Variants in RYR2 observed in about 807,000 individuals in gnomAD.
RYR2 encodes ryanodine receptor 2.
A neutral mutation model predicts 601.1 loss-of-function variants in RYR2; 227 were observed. The ratio of observed to expected loss-of-function variants is 0.38; its 90% CI spans 0.34 to 0.42. The LOEUF (loss-of-function observed/expected upper bound fraction) is 0.42, where lower values mean the gene tolerates loss of function less well. RYR2 is among the 10% of genes least tolerant of loss of function. The probability of loss-of-function intolerance (pLI) is 1.00; values close to 1 mark genes in which losing one functional copy is unlikely to be tolerated. For missense variants in RYR2, 4,646 were observed against 6,156.5 expected, an observed-to-expected ratio of 0.75 and a Z score of 8.21; for synonymous variants, 2,223 against 2,175.1, an observed-to-expected ratio of 1.02 and a Z score of -0.61.
rs1167195170 is a variant in RYR2, at chr1:237,788,193, G to C, written c.13476+58G>C. ...TATAGTGCAATACCGTAATAATTTA[G>C]GCTCAGTAAATGTTTGCTGACCTCT... On this transcript the variant is annotated intron_variant, in intron 92 of 104. Transcript: ENST00000366574. 30 of 1,409,882 alleles carry C rather than the reference G, an allele frequency of 2.1e-5. No homozygotes were observed. In the African/African-American group the frequency reaches 4.0e-4, roughly 19 times the overall value. The allele number at this position is 1,409,882 out of a possible 1,614,324, so 87.3% of individuals were successfully genotyped here.
rs542110710 is a variant in RYR2, at chr1:237,540,478, G to A, written c.2907-7953G>A. Among the ~76,000 whole-genome samples, 9 of 151,994 alleles carry A rather than the reference G, an allele frequency of 5.9e-5. No homozygotes were observed. The South Asian group carries it at 1.7e-3, about 28-fold the overall frequency. ...ATCCCAACAGTTGGGAGGCCGAGGC[G>A]GTCAGATCACCTGAGGTCAGGGGTT... On this transcript the variant is annotated intron_variant, in intron 25 of 104. Transcript: ENST00000366574.
chr1:237,540,094 A>G lies in RYR2; in HGVS notation c.2907-8337A>G, dbSNP rs1669090021. 2.0e-5 allele frequency among the ~76,000 whole-genome samples: 3 copies of G among 152,114 alleles called. No homozygotes were observed. The South Asian group carries it at 6.2e-4, about 31-fold the overall frequency. ...TGAAGAGCACAACACATTATCATCT[A>G]TTCTTAATTTCACGCATCTTCCCTC... is the stretch of plus-strand genomic sequence containing the variant. On this transcript the variant is annotated intron_variant, in intron 25 of 104. Coordinates refer to ENST00000366574, the MANE Select transcript of RYR2 (RefSeq NM_001035.3).
chr1:237,492,679 A>G (rs186891268), intron 18 of RYR2, among the ~76,000 whole-genome samples: 1 of 152,134 alleles, frequency 6.6e-6, no homozygotes, highest in African/African-American at 2.4e-5. Context: ...TGTCTTTACA[A>G]AAAAAGAAAA....
At chr1:237,445,357 A>G (rs1374437908) in intron 13 of RYR2, 44 bp from the exon 14 acceptor site, 1 of 1,609,042 alleles carries the variant, frequency 6.2e-7, no homozygotes, top group Non-Finnish European at 8.5e-7. Flanking sequence ...CTAGTTTGGA[A>G]AAGAGACGTT....
intron 17 of RYR2, 71 bp downstream of exon 17, chr1:237,469,258 CAAAAAAA>C (rs66912945): frequency 4.4e-4 from 49 of 112,250 alleles, no homozygotes; most frequent in Middle Eastern, 4.0e-3. Context: ...TCCTTTAAGA[CAAAAAAA>C]AAAAAAAAAA....
rs531006137 is a variant in RYR2 at position 237,546,301 on chromosome 1, TCAAAA to T, written c.2907-2122_2907-2118del. ...ATTTGTCCTAATTGTTATAATCTAC[TCAAAA>T]CAAAACATTGGTAAAGCTTTTGTCT... On this transcript the variant is annotated intron_variant, in intron 25 of 104. Coordinates refer to ENST00000366574, the MANE Select transcript of RYR2 (RefSeq NM_001035.3). Among the ~76,000 whole-genome samples the T allele has an allele frequency of 1.9e-3, 291 of 152,352 alleles. 1 individual carries two copies. The highest frequency in any genetic ancestry group is 6.7e-3 in the African/African-American group (279 of 41,590).
chr1:237,756,237 C>A, intron 80 of RYR2, 51 bp from the exon 81 acceptor site: 3 of 1,219,550 alleles, frequency 2.5e-6, no homozygotes, highest in Non-Finnish European at 3.6e-6. Flanking sequence ...CTGTAGAAAT[C>A]TGTTGTGCTT....
intron 63 of RYR2, among the ~76,000 whole-genome samples, chr1:237,691,412 T>C (rs1686934133): frequency 6.6e-6 from 1 of 152,170 alleles, no homozygotes; most frequent in East Asian, 1.9e-4. Context: ...TGATGGGTAA[T>C]GGAATATTTA....
Position 237,503,434 on chromosome 1 carries a change from C to T in RYR2, c.2542C>T (p.Arg848Cys), listed in dbSNP as rs765102386. 2.1e-5 allele frequency: 34 copies of T among 1,613,846 alleles called. No homozygotes were observed. Among genetic ancestry groups the T allele is most frequent in the Non-Finnish European group, 2.7e-5 (32 of 1,179,896 alleles). Residue 848 changes from arginine to cysteine, a missense_variant, in exon 22 of 105, where the codon CGC becomes TGC. By Grantham distance (180) the Arg-to-Cys change is radical. This residue lies in a region of RYR2 where 1,807 missense variants were observed against 2,088.1 expected (regional missense o/e 0.87). Transcript: ENST00000366574. ...GTACAAGCAAGAAAGAACTTACACA[C>T]GCGACCTGCTGGGCCCCACAGTTTC... ...REYKQERTYT[R>C]DLLGPTVSLT... is the part of the protein sequence containing the mutation.
intron 74 of RYR2, among the ~76,000 whole-genome samples, chr1:237,724,820 T>G (rs545011961): frequency 6.6e-6 from 1 of 152,266 alleles, no homozygotes; most frequent in East Asian, 1.9e-4. Flanking sequence ...TTTATACATA[T>G]ATATAGATTT....
At chr1:237,501,171 TG>T (rs1314487591) in intron 21 of RYR2, among the ~76,000 whole-genome samples, 2 of 141,262 alleles carry the variant, frequency 1.4e-5, no homozygotes, top group African/African-American at 5.8e-5. Flanking sequence ...TATTTCAAGG[TG>T]TTTTTTTTTT....
At chr1:237,674,274 A>G in intron 59 of RYR2, 55 bp downstream of exon 59, 1 of 1,348,102 alleles carries the variant, frequency 7.4e-7, no homozygotes, top group Non-Finnish European at 1.1e-6. Context: ...GAATATTTAA[A>G]TATCTCCATC....
intron 1 of RYR2, among the ~76,000 whole-genome samples, chr1:237,259,529 TAA>T (rs761380380): frequency 2.9e-5 from 1 of 33,922 alleles, no homozygotes; most frequent in African/African-American, 9.8e-5. Flanking sequence ...CTAGACCATT[TAA>T]AAAAAAAAAA....
intron 2 of RYR2, among the ~76,000 whole-genome samples, chr1:237,326,376 C>T (rs1053444839): frequency 6.6e-6 from 1 of 152,094 alleles, no homozygotes; most frequent in East Asian, 1.9e-4. Context: ...GTGTTGTCTC[C>T]ATATGAAAAG....
At chr1:237,304,452 A>G (rs1442692316) in intron 2 of RYR2, among the ~76,000 whole-genome samples, 1 of 152,216 alleles carries the variant, frequency 6.6e-6, no homozygotes, top group Non-Finnish European at 1.5e-5. Context: ...AAAGAGGAAA[A>G]TCTCTGATTA....
rs182555549 is a variant in RYR2, at chr1:237,289,088, G to T, written c.168+18472G>T. Among the ~76,000 whole-genome samples, 5 of 152,308 alleles carry T rather than the reference G, an allele frequency of 3.3e-5. No homozygotes were observed. In the East Asian group the frequency reaches 5.8e-4, roughly 18 times the overall value. On this transcript the variant is annotated intron_variant, in intron 2 of 104. Coordinates refer to ENST00000366574, the MANE Select transcript of RYR2 (RefSeq NM_001035.3). ...CAGACCTTCGGCTTCTCCAGTGGGGGTGTATATTTGGGAGAGGAGGGCCGC... is the reference window on the plus strand; with the variant it reads ...CAGACCTTCGGCTTCTCCAGTGGGGTTGTATATTTGGGAGAGGAGGGCCGC...
rs767417998 is a variant in RYR2 at position 237,383,724 on chromosome 1, T to C, written c.577-3557T>C. The stretch of plus-strand genomic sequence containing the variant: ...GATTACAGGCGTGAGCCACCGCGCC[T>C]GGCCCTTCAATCTACATGTTTAAAT... On this transcript the variant is annotated intron_variant, in intron 8 of 104. Transcript: ENST00000366574. Among the ~76,000 whole-genome samples, 44 of 152,092 alleles carry C rather than the reference T, an allele frequency of 2.9e-4. 1 individual carries two copies. In the East Asian group the frequency reaches 3.7e-3, roughly 13 times the overall value.
At chr1:237,646,714 A>G (rs1199513731) in intron 48 of RYR2, among the ~76,000 whole-genome samples, 2 of 152,242 alleles carry the variant, frequency 1.3e-5, no homozygotes, top group African/African-American at 4.8e-5. Context: ...TTGAGGAACA[A>G]GCACATAATC....
chr1:237,296,781 T>C (rs139229626), intron 2 of RYR2, among the ~76,000 whole-genome samples: 1 of 152,342 alleles, frequency 6.6e-6, no homozygotes, highest in Non-Finnish European at 1.5e-5. Flanking sequence ...CAAGCACTTC[T>C]GGCATTTAGA....
Sources: allele counts gnomAD v4.1 joint callset (sites outside exome capture counted in the v4.1 genomes callset), GRCh38; gene constraint gnomAD v4.1.1; regional missense constraint gnomAD v4.1.1; transcripts MANE v1.5; gene names NCBI Gene and HGNC (gene_info 2026-07-23, HGNC 2026-07-21).